The following FAM135B variants were observed in gnomAD, a reference collection of about 807,000 sequenced individuals.
The protein encoded by FAM135B is protein FAM135B.
A neutral mutation model predicts 127.7 loss-of-function variants in FAM135B; 43 were observed. That is an observed-to-expected ratio of 0.34 (90% CI 0.26 to 0.43). FAM135B has a LOEUF of 0.43. Ranked by LOEUF, FAM135B falls within the 20% of genes least tolerant of loss-of-function variation. FAM135B has a pLI of 1.00. For synonymous variants in FAM135B, 670 were observed against 665.1 expected (o/e 1.01, Z -0.11); for missense variants, 1,558 against 1,725.6 (o/e 0.90, Z 1.72).
Position 138,230,564 on chromosome 8 carries a change from C to A in FAM135B, c.669+12378G>T, listed in dbSNP as rs995618903. On this transcript the variant is annotated intron_variant, in intron 7 of 19. Coordinates refer to ENST00000395297, the MANE Select transcript of FAM135B (RefSeq NM_015912.4). ...GCCCTCTACTGCAGCTGGGAATGGA[C>A]TCATGGTTAGACACAAATTCTGCTG... 4.6e-5 allele frequency among the ~76,000 whole-genome samples: 7 copies of A among 152,258 alleles called. No homozygotes were observed. The South Asian group carries it at 1.5e-3, about 32-fold the overall frequency.
chr8:138,176,454 G>A (rs1473289554), intron 11 of FAM135B, among the ~76,000 whole-genome samples: 1 of 152,222 alleles, frequency 6.6e-6, no homozygotes, highest in African/African-American at 2.4e-5. Context: ...GAATTAATGA[G>A]TGAGTGAATG....
intron 6 of FAM135B, among the ~76,000 whole-genome samples, chr8:138,247,838 A>G (rs1563817511): frequency 1.3e-5 from 2 of 152,238 alleles, no homozygotes; most frequent in Non-Finnish European, 2.9e-5. Flanking sequence ...TTAATGTGCC[A>G]TTAATTACTG....
chr8:138,335,242 T>A (rs1301931500), intron 2 of FAM135B, among the ~76,000 whole-genome samples: 1 of 152,186 alleles, frequency 6.6e-6, no homozygotes, highest in Non-Finnish European at 1.5e-5. Context: ...CGAGGGATTT[T>A]CAGAGTCCCA....
chr8:138,150,609 A>T (rs1818046252), intron 13 of FAM135B, among the ~76,000 whole-genome samples: 1 of 152,174 alleles, frequency 6.6e-6, no homozygotes, highest in African/African-American at 2.4e-5. Context: ...CGGAGGCTGC[A>T]GTGAGCAGAG....
Position 138,241,559 on chromosome 8 carries a change from G to A in FAM135B, c.669+1383C>T, listed in dbSNP as rs998107638. Among the ~76,000 whole-genome samples the A allele has an allele frequency of 6.6e-6, 1 of 152,176 alleles. No homozygotes were observed. Among genetic ancestry groups the A allele is most frequent in the South Asian group, 2.1e-4 (1 of 4,822 alleles). On this transcript the variant is annotated intron_variant, in intron 7 of 19. Coordinates refer to ENST00000395297, the MANE Select transcript of FAM135B (RefSeq NM_015912.4). This position sits in a 1 kb window ranked among gnomAD's most constrained non-coding sequence, Gnocchi z 4.8. Reference sequence around the variant, plus strand: ...CTGGCTGGGTCTCAGAGCTAGCAAAGATAACATCACAGGAGAGCCAGCTGA... The same window carrying A: ...CTGGCTGGGTCTCAGAGCTAGCAAAAATAACATCACAGGAGAGCCAGCTGA...
intron 1 of FAM135B, among the ~76,000 whole-genome samples, chr8:138,468,064 A>C (rs1311414868): frequency 6.6e-6 from 1 of 152,192 alleles, no homozygotes; most frequent in Non-Finnish European, 1.5e-5. Context: ...AATATGACAA[A>C]ATGTTAACAA....
At position 138,130,818 on chromosome 8, in the gene FAM135B, C is replaced by T. The variant is rs1406988812; in HGVS notation, c.*1775G>A. On this transcript the variant is annotated 3_prime_UTR_variant, in exon 20 of 20. Coordinates refer to ENST00000395297, the MANE Select transcript of FAM135B (RefSeq NM_015912.4). ...CCAGAGTCTATGCCCAGCTCTGACT[C>T]GGGAGCTCAGATAAAAATCCCCAGT... The T allele has an allele frequency of 6.6e-6, 1 of 152,206 alleles. No homozygotes were observed. Among genetic ancestry groups the T allele is most frequent in the Admixed American group, 6.5e-5 (1 of 15,274 alleles). 9.4% of individuals were successfully genotyped at this position (152,206 alleles called of 1,614,324 possible). A position where few individuals can be genotyped will look rare whatever the true frequency, so the allele number is the denominator to read the frequency against.
chr8:138,212,524 G>T (rs1301168682), intron 7 of FAM135B, among the ~76,000 whole-genome samples: 1 of 152,216 alleles, frequency 6.6e-6, no homozygotes, highest in Non-Finnish European at 1.5e-5. Context: ...ATTATAGACA[G>T]ATGATATGCA....
At chr8:138,297,081 G>A (rs1360878967) in intron 3 of FAM135B, among the ~76,000 whole-genome samples, 1 of 152,128 alleles carries the variant, frequency 6.6e-6, no homozygotes, top group African/African-American at 2.4e-5. Context: ...TCATGTACAG[G>A]TGCTATGGAG....
rs149135773 is a variant in FAM135B at position 138,267,985 on chromosome 8, A to C, written c.158-2143T>G. Among the ~76,000 whole-genome samples the C allele has an allele frequency of 2.1e-3, 327 of 152,318 alleles. 3 individuals are homozygous for C. Among genetic ancestry groups the C allele is most frequent in the African/African-American group, 7.1e-3 (297 of 41,568 alleles). ...CCCCACTGATCTATAAGCCAGAATG[A>C]CAATGTGGCAGCGGGTGGATGGGGT... On this transcript the variant is annotated intron_variant, in intron 3 of 19. Coordinates refer to ENST00000395297, the MANE Select transcript of FAM135B (RefSeq NM_015912.4).
intron 1 of FAM135B, among the ~76,000 whole-genome samples, chr8:138,476,939 G>A (rs1324336874): frequency 1.3e-5 from 2 of 152,196 alleles, no homozygotes; most frequent in African/African-American, 4.8e-5. Context: ...CCCGATTATG[G>A]AGACTCCTAT....
In FAM135B at chr8:138,243,005, C is replaced by T. The variant is rs1387663231; in HGVS notation, c.606G>A (p.Gln202=). 1 of 1,613,978 alleles carries T rather than the reference C, an allele frequency of 6.2e-7. No individual in the cohort carries two copies. Among genetic ancestry groups the T allele is most frequent in the Admixed American group, 1.7e-5 (1 of 59,996 alleles). The change falls in exon 7 of 20, where the codon CAG becomes CAA. Residue 202 remains glutamine (Q), a synonymous_variant. Transcript: ENST00000395297. This position sits in a 1 kb window ranked among gnomAD's most constrained non-coding sequence, Gnocchi z 7.5. ...GKGGPDTGQE[Q]SIISLENLVF... ...CCAAGTTTTCCAGAGAAATGATAGA[C>T]TGTTCTTGTCCGGTGTCTGGGCCAC...
chr8:138,266,433 A>C (rs1185568818), intron 3 of FAM135B, among the ~76,000 whole-genome samples: 4 of 152,112 alleles, frequency 2.6e-5, no homozygotes, highest in African/African-American at 9.6e-5. Flanking sequence ...CTATATCCCT[A>C]AACGGTACTT....
chr8:138,388,601 G>A (rs972732301), intron 1 of FAM135B, among the ~76,000 whole-genome samples: 1 of 152,182 alleles, frequency 6.6e-6, no homozygotes. Context: ...AGGCATGGAG[G>A]CACCTTACAT....
At chr8:138,454,079 G>A (rs1458938619) in intron 1 of FAM135B, among the ~76,000 whole-genome samples, 4 of 152,018 alleles carry the variant, frequency 2.6e-5, no homozygotes, top group Non-Finnish European at 5.9e-5. Flanking sequence ...AGTCCAGACG[G>A]GATGCAGGAG....
rs73432188 is a variant in FAM135B, at chr8:138,431,057, T to C, written c.-19-63055A>G. Among the ~76,000 whole-genome samples, 432 of 152,342 alleles carry C rather than the reference T, an allele frequency of 2.8e-3. 3 individuals are homozygous for C. The highest frequency in any genetic ancestry group is 9.9e-3 in the African/African-American group (410 of 41,580). On this transcript the variant is annotated intron_variant, in intron 1 of 19. Coordinates refer to ENST00000395297, the MANE Select transcript of FAM135B (RefSeq NM_015912.4). ...AAGGATACTTTTAAGAGTGAAAGCCTTATGAAATTTACATAGAGACAACAG... is the reference window on the plus strand; with the variant it reads ...AAGGATACTTTTAAGAGTGAAAGCCCTATGAAATTTACATAGAGACAACAG...
chr8:138,138,510 G>A (rs1188473817), intron 18 of FAM135B, among the ~76,000 whole-genome samples: 1 of 152,204 alleles, frequency 6.6e-6, no homozygotes, highest in South Asian at 2.1e-4. Flanking sequence ...TAGCAGGTAG[G>A]GTCTTCAACA....
intron 1 of FAM135B, among the ~76,000 whole-genome samples, chr8:138,496,222 AC>A (rs1344507093): frequency 2.0e-5 from 3 of 151,852 alleles, no homozygotes; most frequent in Non-Finnish European, 4.4e-5. Flanking sequence ...GTCCCCGCAC[AC>A]CCCTGTCCCC....
intron 2 of FAM135B, among the ~76,000 whole-genome samples, chr8:138,349,542 C>A (rs1045364072): frequency 6.6e-6 from 1 of 152,170 alleles, no homozygotes; most frequent in Non-Finnish European, 1.5e-5. Flanking sequence ...AAGGCTGGTT[C>A]TTTCTTTTTC....
Sources: gnomAD v4.1 joint callset for allele counts (sites outside exome capture counted in the v4.1 genomes callset) on GRCh38, gnomAD v4.1.1 for gene constraint, Gnocchi (gnomAD v3.1) non-coding constraint, MANE v1.5 for transcripts, NCBI Gene and HGNC (gene_info 2026-07-23, HGNC 2026-07-21) for gene names.